MRPL22: variants seen among roughly 807,000 people sequenced by gnomAD.
MRPL22 encodes large ribosomal subunit protein uL22m.
A neutral mutation model predicts 32.4 loss-of-function variants in MRPL22; 27 were observed. The ratio of observed to expected loss-of-function variants is 0.83; its 90% confidence interval spans 0.61 to 1.15. The LOEUF is 1.15. Among genes scored for constraint, MRPL22 ranks in the 50% most tolerant of loss-of-function variants. The probability of loss-of-function intolerance (pLI) is 0.00; values close to 1 mark genes in which losing one functional copy is unlikely to be tolerated. For missense variants in MRPL22, 239 were observed against 260.2 expected (o/e 0.92, Z 0.56); for synonymous variants, 86 against 87.3 (o/e 0.99, Z 0.08).
At chr5:154,951,983 C>T (rs959044713) in intron 3 of MRPL22, among the ~76,000 whole-genome samples, 3 of 150,852 alleles carry the variant, frequency 2.0e-5, no homozygotes, top group Non-Finnish European at 4.4e-5. Flanking sequence ...CCCGGGTTCA[C>T]GCCATTCTCC....
chr5:154,953,942 TC>T (rs1179155153), intron 3 of MRPL22, among the ~76,000 whole-genome samples: 1 of 151,316 alleles, frequency 6.6e-6, no homozygotes, highest in Non-Finnish European at 1.5e-5. Flanking sequence ...CACCTTGGCC[TC>T]CCAAAGTGTT....
intron 6 of MRPL22, among the ~76,000 whole-genome samples, chr5:154,964,831 C>G (rs945214556): frequency 6.6e-6 from 1 of 151,992 alleles, no homozygotes; most frequent in Non-Finnish European, 1.5e-5. Flanking sequence ...AATTGGTGCT[C>G]AAGTTGGATA....
In MRPL22 at chr5:154,966,884, T is replaced by C. The variant is rs778529697; in HGVS notation, c.608T>C (p.Val203Ala). Residue 203 changes from valine to alanine, a missense_variant, in exon 7 of 7, where the codon GTT (valine) becomes GCT (alanine). Transcript: ENST00000523037. Reference sequence around the variant, plus strand: ...CAGCAGCTTCGCAGCCGGACCATCGTTCACACTCTATGATGAGGAGATTCA... The same window carrying C: ...CAGCAGCTTCGCAGCCGGACCATCGCTCACACTCTATGATGAGGAGATTCA... ...YIQQLRSRTI[V>A]HTL 1 of 1,612,290 alleles carries C rather than the reference T, an allele frequency of 6.2e-7. No individual in the cohort carries two copies. The highest frequency in any genetic ancestry group is 8.5e-7 in the Non-Finnish European group (1 of 1,179,024).
chr5:154,944,201 G>A (rs987037747), intron 2 of MRPL22, among the ~76,000 whole-genome samples: 10 of 151,864 alleles, frequency 6.6e-5, no homozygotes, highest in Admixed American at 2.6e-4. Context: ...CAAACGATCC[G>A]CCCGCTTTGG....
rs184948130 is a variant in MRPL22, at chr5:154,945,184, G to A, written c.77+3919G>A. On this transcript the variant is annotated intron_variant, in intron 2 of 6. Transcript: ENST00000523037. ...AGACCGTTGGCTATTTCAGGTATGAGATCATGGTGGCTTGGATTAGGGTGG... is the reference window on the plus strand; with the variant it reads ...AGACCGTTGGCTATTTCAGGTATGAAATCATGGTGGCTTGGATTAGGGTGG... 5.3e-5 allele frequency among the ~76,000 whole-genome samples: 8 copies of A among 152,272 alleles called. No individual in the cohort carries two copies. In the East Asian group the frequency reaches 1.5e-3, roughly 29 times the overall value.
intron 2 of MRPL22, among the ~76,000 whole-genome samples, chr5:154,942,321 C>T (rs1364281564): frequency 1.3e-5 from 2 of 152,128 alleles, no homozygotes; most frequent in Non-Finnish European, 2.9e-5. Flanking sequence ...ATGTGATAAT[C>T]CCACTCTGAA....
At chr5:154,953,362 GAAAAAAAAAAAAAAAAAA>G (rs573134537) in intron 3 of MRPL22, among the ~76,000 whole-genome samples, 1 of 69,236 alleles carries the variant, frequency 1.4e-5, no homozygotes, top group African/African-American at 5.2e-5. Context: ...CGTCTCAGGA[GAAAAAAAAAAAAAAAAAA>G]AAAAAAAAGA....
chr5:154,966,918 AGT>A lies in MRPL22; in HGVS notation c.*24_*25del, dbSNP rs746504017. 2 of 1,586,512 alleles carry A rather than the reference AGT, an allele frequency of 1.3e-6. No homozygotes were observed. The highest frequency in any genetic ancestry group is 2.3e-5 in the East Asian group (1 of 43,794). On this transcript the variant is annotated 3_prime_UTR_variant, in exon 7 of 7. Transcript: ENST00000523037. ...TATGATGAGGAGATTCAGACTCCAC[AGT>A]GTATATATTTTGCCATTTATTTTCT... is the stretch of plus-strand genomic sequence containing the variant.
At position 154,950,951 on chromosome 5, in the gene MRPL22, G is replaced by A. The variant is rs777751716; in HGVS notation, c.195+13G>A. The A allele has an allele frequency of 3.0e-5, 45 of 1,498,816 alleles. No homozygotes were observed. Among genetic ancestry groups the A allele is most frequent in the Admixed American group, 8.6e-5 (5 of 58,270 alleles). 92.8% of individuals were successfully genotyped at this position (1,498,816 alleles called of 1,614,324 possible). Reference sequence around the variant, plus strand: ...TCGGAGACCAGCAGTAAGTTCGTGGGTAGAACTAATCTCTTAATTGTGGTA... The same window carrying A: ...TCGGAGACCAGCAGTAAGTTCGTGGATAGAACTAATCTCTTAATTGTGGTA... On this transcript the variant is annotated intron_variant, in intron 3 of 6. Transcript: ENST00000523037.
chr5:154,966,619 A>G, intron 6 of MRPL22, 67 bp from the exon 7 acceptor site: 1 of 1,532,996 alleles, frequency 6.5e-7, no homozygotes, highest in South Asian at 1.1e-5. Flanking sequence ...AAGGACAGAA[A>G]TTGCTCAGCT....
At chr5:154,952,604 T>C (rs1764577874) in intron 3 of MRPL22, among the ~76,000 whole-genome samples, 1 of 152,190 alleles carries the variant, frequency 6.6e-6, no homozygotes, top group Admixed American at 6.5e-5. Flanking sequence ...TTTTCTGACT[T>C]TAAATAGTAT....
chr5:154,954,397 A>G (rs928407431), intron 3 of MRPL22, among the ~76,000 whole-genome samples: 19 of 152,364 alleles, frequency 1.2e-4, no homozygotes, highest in Admixed American at 1.2e-3. Context: ...TAATTTAGAC[A>G]TACATTTATT....
chr5:154,961,575 G>A (rs1764701285), intron 6 of MRPL22, among the ~76,000 whole-genome samples: 1 of 152,198 alleles, frequency 6.6e-6, no homozygotes, highest in Non-Finnish European at 1.5e-5. Context: ...TTATAGTAAA[G>A]AGAGATAGGA....
chr5:154,968,983 C>G lies in MRPL22; in HGVS notation c.*2086C>G, dbSNP rs1334528057. 6.6e-6 allele frequency: 1 copy of G among 152,174 alleles called. No homozygotes were observed. Among genetic ancestry groups the G allele is most frequent in the Non-Finnish European group, 1.5e-5 (1 of 68,034 alleles). 9.4% of individuals were successfully genotyped at this position (152,174 alleles called of 1,614,324 possible). A position where few individuals can be genotyped will look rare whatever the true frequency, so the allele number is the denominator to read the frequency against. ...TATACATTATCTCAATGAATCTTTC[C>G]CATTGTGACATCCGGCTAGTTTTCG... On this transcript the variant is annotated 3_prime_UTR_variant, in exon 7 of 7. Coordinates refer to ENST00000523037, the MANE Select transcript of MRPL22 (RefSeq NM_014180.4).
intron 6 of MRPL22, among the ~76,000 whole-genome samples, chr5:154,964,639 T>C (rs1764743508): frequency 6.6e-6 from 1 of 152,240 alleles, no homozygotes; most frequent in South Asian, 2.1e-4. Context: ...CTTTAAGATA[T>C]GCAGATGATC....
At chr5:154,943,213 A>G (rs1378734823) in intron 2 of MRPL22, among the ~76,000 whole-genome samples, 1 of 151,176 alleles carries the variant, frequency 6.6e-6, no homozygotes, top group Non-Finnish European at 1.5e-5. Context: ...ATCATAGCTC[A>G]CTGCAGCCTC....
In MRPL22 at chr5:154,957,230, G is replaced by T; in HGVS notation, c.339+18G>T. On this transcript the variant is annotated intron_variant, in intron 5 of 6. Transcript: ENST00000523037. ...TTAAAGAGGTAAACTTACAAGTTTG[G>T]GTGTGGTAGGGAATGGGGAACTGGG... The T allele has an allele frequency of 1.3e-6, 2 of 1,593,904 alleles. No homozygotes were observed. Among genetic ancestry groups the T allele is most frequent in the Non-Finnish European group, 1.7e-6 (2 of 1,161,822 alleles).
At chr5:154,966,376 C>G (rs2113017015) in intron 6 of MRPL22, among the ~76,000 whole-genome samples, 1 of 152,358 alleles carries the variant, frequency 6.6e-6, no homozygotes, top group South Asian at 2.1e-4. Context: ...TCATCTCATT[C>G]TGATTTATTC....
chr5:154,943,127 G>A (rs1197352244), intron 2 of MRPL22, among the ~76,000 whole-genome samples: 1 of 152,036 alleles, frequency 6.6e-6, no homozygotes, highest in Non-Finnish European at 1.5e-5. Flanking sequence ...CTGATTCAGT[G>A]ATGAGAAACT....
Sources: allele counts gnomAD v4.1 joint callset (sites outside exome capture counted in the v4.1 genomes callset), GRCh38; gene constraint gnomAD v4.1.1; transcripts MANE v1.5; gene names NCBI Gene and HGNC (gene_info 2026-07-23, HGNC 2026-07-21).